Variants in FLI1 observed in about 807,000 individuals in gnomAD.
FLI1 encodes the protein Fli-1 proto-oncogene, ETS transcription factor.
In FLI1, 13 loss-of-function variants were observed where a neutral mutation model predicts 53.1. The observed-to-expected ratio is 0.24, with a 90% CI of 0.16 to 0.39. The LOEUF is 0.39. Among genes scored for constraint, FLI1 ranks in the 10% least tolerant of loss-of-function variants. FLI1 has a pLI of 1.00. For synonymous variants in FLI1, 244 were observed against 236.7 expected, an observed-to-expected ratio of 1.03 and a Z score of -0.28; for missense variants, 424 against 600.5, an observed-to-expected ratio of 0.71 and a Z score of 3.07.
At chr11:128,727,216 C>T (rs1391912987) in intron 1 of FLI1, among the ~76,000 whole-genome samples, 2 of 152,190 alleles carry the variant, frequency 1.3e-5, no homozygotes, top group East Asian at 3.8e-4. Flanking sequence ...CCAAGCCTCA[C>T]CTTCCTGAAC....
chr11:128,801,440 C>T (rs1942633593), intron 5 of FLI1, among the ~76,000 whole-genome samples: 1 of 152,244 alleles, frequency 6.6e-6, no homozygotes, highest in Admixed American at 6.5e-5. Context: ...TATGAACCCT[C>T]ACTTCAACAA....
At position 128,757,097 on chromosome 11, in the gene FLI1, T is replaced by TTTCTTTCTTTCC. The variant is rs1940918399; in HGVS notation, c.19-1007_19-1006insCTTCTTTCTTTC. Among the ~76,000 whole-genome samples the TTTCTTTCTTTCC allele has an allele frequency of 4.5e-5, 6 of 132,040 alleles. No individual in the cohort carries two copies. The South Asian group carries it at 9.7e-4, about 21-fold the overall frequency. 86.6% of individuals were successfully genotyped at this position (132,040 alleles called of 152,430 possible). A position where few individuals can be genotyped will look rare whatever the true frequency, so the allele number is the denominator to read the frequency against. ...CTTTCTTTCTTTCTTTCTTTCTTTC[T>TTTCTTTCTTTCC]TTCTTTCTTTCTTTCTCTCTTTCTG... is the stretch of plus-strand genomic sequence containing the variant. On this transcript the variant is annotated intron_variant, in intron 1 of 8. Coordinates refer to ENST00000527786, the MANE Select transcript of FLI1 (RefSeq NM_002017.5).
At chr11:128,788,818 ATTTC>A (rs1942178038) in intron 5 of FLI1, among the ~76,000 whole-genome samples, 1 of 152,126 alleles carries the variant, frequency 6.6e-6, no homozygotes. Flanking sequence ...CCATTCATTC[ATTTC>A]TTTCTTATGG....
intron 1 of FLI1, among the ~76,000 whole-genome samples, chr11:128,704,268 G>A (rs1938464737): frequency 6.6e-6 from 1 of 151,804 alleles, no homozygotes; most frequent in Admixed American, 6.5e-5. Context: ...TAATCTCAGG[G>A]CTACATTTTG....
At chr11:128,743,443 C>T (rs1940228745) in intron 1 of FLI1, among the ~76,000 whole-genome samples, 1 of 150,516 alleles carries the variant, frequency 6.6e-6, no homozygotes, top group African/African-American at 2.4e-5. Context: ...GACCACTTGG[C>T]AGGCTTTGAC....
chr11:128,737,779 T>C (rs752909902), intron 1 of FLI1, among the ~76,000 whole-genome samples: 5 of 152,214 alleles, frequency 3.3e-5, no homozygotes, highest in Admixed American at 6.5e-5. Flanking sequence ...GTTACTTTTG[T>C]TGTGAGGTTC....
At chr11:128,742,062 C>G (rs1940164168) in intron 1 of FLI1, among the ~76,000 whole-genome samples, 1 of 152,204 alleles carries the variant, frequency 6.6e-6, no homozygotes, top group Admixed American at 6.5e-5. Context: ...TTCTCCTTTC[C>G]TGTCGTCACT....
intron 1 of FLI1, among the ~76,000 whole-genome samples, chr11:128,712,232 C>T (rs1019150536): frequency 1.3e-5 from 2 of 152,166 alleles, no homozygotes; most frequent in Admixed American, 6.5e-5. Context: ...CTCTCTTGCT[C>T]CTGCTCTTGC....
chr11:128,711,244 A>T (rs1427049635), intron 1 of FLI1, among the ~76,000 whole-genome samples: 1 of 152,242 alleles, frequency 6.6e-6, no homozygotes, highest in African/African-American at 2.4e-5. Flanking sequence ...TGCATCATTC[A>T]AGTTAAAAAC....
At chr11:128,792,549 C>T (rs1470502967) in intron 5 of FLI1, among the ~76,000 whole-genome samples, 1 of 152,148 alleles carries the variant, frequency 6.6e-6, no homozygotes, top group Non-Finnish European at 1.5e-5. Flanking sequence ...TTCTATCCAT[C>T]CCTGGAGAGA....
At chr11:128,784,217 C>T (rs1283425087) in intron 5 of FLI1, among the ~76,000 whole-genome samples, 1 of 139,900 alleles carries the variant, frequency 7.1e-6, no homozygotes, top group African/African-American at 2.6e-5. Context: ...GTGTTGCTAA[C>T]CATCTCCTCC....
At chr11:128,788,580 T>A (rs952221570) in intron 5 of FLI1, among the ~76,000 whole-genome samples, 7 of 152,086 alleles carry the variant, frequency 4.6e-5, no homozygotes, top group Admixed American at 1.3e-4. Flanking sequence ...CACAAGATAT[T>A]TTCTGAGTGT....
intron 1 of FLI1, among the ~76,000 whole-genome samples, chr11:128,744,996 G>A (rs1311345899): frequency 6.6e-6 from 1 of 152,152 alleles, no homozygotes; most frequent in Non-Finnish European, 1.5e-5. Context: ...CAGAATGTGA[G>A]GTGTTCAACA....
At chr11:128,704,836 G>C (rs1394298367) in intron 1 of FLI1, among the ~76,000 whole-genome samples, 1 of 152,144 alleles carries the variant, frequency 6.6e-6, no homozygotes, top group Non-Finnish European at 1.5e-5. Context: ...TTTCATCAGA[G>C]GGGGAATAAA....
rs557191899 is a variant in FLI1, at chr11:128,706,770, A to G, written c.18+12494A>G. 5.9e-5 allele frequency among the ~76,000 whole-genome samples: 9 copies of G among 152,344 alleles called. No individual in the cohort carries two copies. In the South Asian group the frequency reaches 6.2e-4, roughly 11 times the overall value. ...TGGGTGATTGAAGAGGGCACTTTCCATAGGAACCACATGGGTAAGTGAGTA... is the reference window on the plus strand; with the variant it reads ...TGGGTGATTGAAGAGGGCACTTTCCGTAGGAACCACATGGGTAAGTGAGTA... On this transcript the variant is annotated intron_variant, in intron 1 of 8. Transcript: ENST00000527786.
At chr11:128,803,286 C>T (rs919994672) in intron 5 of FLI1, among the ~76,000 whole-genome samples, 11 of 152,168 alleles carry the variant, frequency 7.2e-5, no homozygotes, top group African/African-American at 1.7e-4. Flanking sequence ...TGGCTGCAAG[C>T]GCAAAACCTC....
At chr11:128,806,081 C>G (rs917277308) in intron 6 of FLI1, 2 of 151,936 alleles carry the variant, frequency 1.3e-5, no homozygotes, top group African/African-American at 4.8e-5. Flanking sequence ...GCCTAGGAAG[C>G]AAAATATGAA....
intron 1 of FLI1, among the ~76,000 whole-genome samples, chr11:128,728,781 C>T (rs1315846776): frequency 6.6e-6 from 1 of 152,232 alleles, no homozygotes; most frequent in African/African-American, 2.4e-5. Context: ...ACCTGAGTAT[C>T]AGGTAAACCT....
intron 1 of FLI1, among the ~76,000 whole-genome samples, chr11:128,695,573 GT>G (rs896221113): frequency 2.6e-5 from 4 of 152,026 alleles, no homozygotes; most frequent in African/African-American, 7.2e-5. Flanking sequence ...TATTTTCTAA[GT>G]TTTTTTTATG....
Sources: gnomAD v4.1 joint callset for allele counts (sites outside exome capture counted in the v4.1 genomes callset) on GRCh38, gnomAD v4.1.1 for gene constraint, MANE v1.5 for transcripts, NCBI Gene and HGNC (gene_info 2026-07-23, HGNC 2026-07-21) for gene names.